Variants in TRIM66 observed in about 807,000 individuals in gnomAD.
The protein encoded by TRIM66 is tripartite motif containing 66, also known as tripartite motif-containing protein 66.
In TRIM66, 99 loss-of-function variants were observed where a neutral mutation model predicts 148.2. The observed-to-expected ratio is 0.67, with a 90% CI of 0.57 to 0.79. The LOEUF is 0.79. TRIM66 is among the 30% of genes least tolerant of loss of function. The probability of loss-of-function intolerance (pLI) is 0.00; values close to 1 mark genes in which losing one functional copy is unlikely to be tolerated. For synonymous variants in TRIM66, 616 were observed against 635.9 expected, an observed-to-expected ratio of 0.97 and a Z score of 0.47; for missense variants, 1,666 against 1,697.9, an observed-to-expected ratio of 0.98 and a Z score of 0.33.
intron 6 of TRIM66, among the ~76,000 whole-genome samples, chr11:8,667,469 G>A (rs1186413303): frequency 1.3e-5 from 2 of 152,116 alleles, no homozygotes; most frequent in Non-Finnish European, 2.9e-5. Context: ...TAAGAGATTG[G>A]TATCCAGAAT....
intron 6 of TRIM66, among the ~76,000 whole-genome samples, chr11:8,667,100 G>A (rs2038650922): frequency 6.6e-6 from 1 of 152,124 alleles, no homozygotes; most frequent in Non-Finnish European, 1.5e-5. Flanking sequence ...TTACAGGCAT[G>A]AGCCACCAAA....
chr11:8,646,384 G>C (rs2036848579), intron 11 of TRIM66, 63 bp downstream of exon 11: 1 of 1,360,656 alleles, frequency 7.3e-7, no homozygotes, highest in Non-Finnish European at 1.0e-6. Flanking sequence ...CTAGGTCCTG[G>C]GACTAGCTTG....
At chr11:8,672,682 AC>A (rs559808925) in intron 4 of TRIM66, among the ~76,000 whole-genome samples, 6 of 147,714 alleles carry the variant, frequency 4.1e-5, no homozygotes, top group Non-Finnish European at 7.4e-5. Flanking sequence ...GTGCAGTGGC[AC>A]AATCACAGCT....
intron 8 of TRIM66, among the ~76,000 whole-genome samples, chr11:8,649,477 G>A (rs1301010326): frequency 6.6e-6 from 1 of 152,234 alleles, no homozygotes; most frequent in African/African-American, 2.4e-5. Flanking sequence ...AAGGCAGGGA[G>A]CTCAGCCAGC....
intron 12 of TRIM66, among the ~76,000 whole-genome samples, chr11:8,645,377 C>G (rs779022879): frequency 6.6e-6 from 1 of 152,180 alleles, no homozygotes; most frequent in Non-Finnish European, 1.5e-5. Context: ...CTCTCAGACC[C>G]CCGTGTAAAC....
At chr11:8,631,823 T>C (rs1416015979) in intron 15 of TRIM66, among the ~76,000 whole-genome samples, 1 of 152,232 alleles carries the variant, frequency 6.6e-6, no homozygotes, top group Non-Finnish European at 1.5e-5. Flanking sequence ...TCCTACAGAA[T>C]ATAATGCATG....
intron 6 of TRIM66, among the ~76,000 whole-genome samples, chr11:8,661,495 C>T (rs2038251584): frequency 6.6e-6 from 1 of 152,176 alleles, no homozygotes; most frequent in African/African-American, 2.4e-5. Flanking sequence ...TGCACTGACA[C>T]ACTCCATGCA....
chr11:8,641,254 A>G, intron 13 of TRIM66, 102 bp from the exon 14 acceptor site: 1 of 1,066,222 alleles, frequency 9.4e-7, no homozygotes, highest in East Asian at 2.6e-5. Context: ...ACAATCCTGT[A>G]CCAGGAACAG....
chr11:8,667,914 T>G (rs2038701701), intron 6 of TRIM66, among the ~76,000 whole-genome samples: 1 of 152,266 alleles, frequency 6.6e-6, no homozygotes, highest in Non-Finnish European at 1.5e-5. Flanking sequence ...CTTTAAATTC[T>G]TTTAAGCATA....
chr11:8,672,319 G>A lies in TRIM66; in HGVS notation c.-45C>T. ...GCGTGGAGGTGTCTGCTGTTTGTCTGAAGGCGAACAAACCCTTCAAAAGTG... is the reference window on the plus strand; with the variant it reads ...GCGTGGAGGTGTCTGCTGTTTGTCTAAAGGCGAACAAACCCTTCAAAAGTG... On this transcript the variant is annotated 5_prime_UTR_variant, in exon 5 of 25. Transcript: ENST00000646038. 1.2e-5 allele frequency: 19 copies of A among 1,536,054 alleles called. No homozygotes were observed. Among genetic ancestry groups the A allele is most frequent in the East Asian group, 4.9e-5 (2 of 40,914 alleles).
chr11:8,682,758 G>A (rs1275847190), upstream of TRIM66: 1 of 1,612,870 alleles, frequency 6.2e-7, no homozygotes, highest in Non-Finnish European at 8.5e-7. Flanking sequence ...CCGCCCCCGT[G>A]GCCGATACCT....
chr11:8,680,442 G>A (rs189336068), intron 1 of TRIM66, among the ~76,000 whole-genome samples: 5 of 113,932 alleles, frequency 4.4e-5, no homozygotes, highest in Admixed American at 9.3e-5. Flanking sequence ...ATATGATGGG[G>A]GCCTGAATGA....
At chr11:8,638,507 C>CGGCAGAAG in intron 15 of TRIM66, 147 bp downstream of exon 15, 7 of 857,188 alleles carry the variant, frequency 8.2e-6, no homozygotes, top group Non-Finnish European at 1.2e-5. Context: ...TGACTCACTA[C>CGGCAGAAG]GGCAGAAGGC....
chr11:8,680,859 A>C (rs1465867577), intron 1 of TRIM66: 3 of 152,314 alleles, frequency 2.0e-5, no homozygotes, highest in Non-Finnish European at 4.4e-5. Flanking sequence ...AAGACTGAAA[A>C]GTGACCAAAG....
intron 4 of TRIM66, among the ~76,000 whole-genome samples, chr11:8,673,425 C>A (rs1354959353): frequency 6.6e-6 from 1 of 152,168 alleles, no homozygotes; most frequent in Non-Finnish European, 1.5e-5. Flanking sequence ...ACACACTAGG[C>A]AGTATTACTT....
chr11:8,665,741 AG>A (rs1374682185), intron 6 of TRIM66, among the ~76,000 whole-genome samples: 1 of 152,110 alleles, frequency 6.6e-6, no homozygotes, highest in Non-Finnish European at 1.5e-5. Context: ...GCAGATCAGG[AG>A]ATCGAGACCA....
intron 14 of TRIM66, among the ~76,000 whole-genome samples, chr11:8,639,865 G>C (rs140133492): frequency 8.5e-5 from 13 of 152,284 alleles, no homozygotes; most frequent in African/African-American, 3.1e-4. Flanking sequence ...AGGGAGCTAG[G>C]GAGATGACAA....
intron 15 of TRIM66, among the ~76,000 whole-genome samples, chr11:8,625,807 A>C (rs1424356786): frequency 1.3e-5 from 2 of 152,190 alleles, no homozygotes; most frequent in African/African-American, 2.4e-5. Context: ...AGAAAGTTCC[A>C]ATCAGTCCTG....
chr11:8,641,527 TAG>T (rs1406343366), intron 13 of TRIM66, among the ~76,000 whole-genome samples: 1 of 152,130 alleles, frequency 6.6e-6, no homozygotes, highest in Non-Finnish European at 1.5e-5. Context: ...GGGAGTATGC[TAG>T]AAAGTAGCAA....
Sources: allele counts gnomAD v4.1 joint callset (sites outside exome capture counted in the v4.1 genomes callset), GRCh38; gene constraint gnomAD v4.1.1; transcripts MANE v1.5; gene names NCBI Gene and HGNC (gene_info 2026-07-23, HGNC 2026-07-21).